ZYX: variants seen among roughly 807,000 people sequenced by gnomAD.
ZYX encodes the protein zyxin-2.
In ZYX, 37 loss-of-function variants were observed where a neutral mutation model predicts 58.1. The observed-to-expected ratio is 0.64, with a 90% CI of 0.49 to 0.84. The LOEUF (loss-of-function observed/expected upper bound fraction) is 0.84. Ranked by LOEUF, ZYX falls within the 40% of genes least tolerant of loss-of-function variation. The pLI is 0.00. For synonymous variants in ZYX, 324 were observed against 321.1 expected (o/e 1.01, Z -0.10); for missense variants, 762 against 761.6 (o/e 1.00, Z -0.01).
Position 143,390,004 on chromosome 7 carries a change from G to A in ZYX, c.1614+27G>A. 6.2e-7 allele frequency: 1 copy of A among 1,612,840 alleles called. No individual in the cohort carries two copies. The highest frequency in any genetic ancestry group is 8.5e-7 in the Non-Finnish European group (1 of 1,179,196). On this transcript the variant is annotated intron_variant, in intron 9 of 9. Transcript: ENST00000322764. The surrounding 1 kb of genome is among the most constrained non-coding windows in gnomAD (Gnocchi z 4.3). ...TCAGCCATCCCTCTGGACTCCTTGG[G>A]CAGGTTCTGACCAGGAGGTGGCGGG...
chr7:143,386,018 TGTG>T (rs1381809815), intron 5 of ZYX, among the ~76,000 whole-genome samples: 3 of 150,910 alleles, frequency 2.0e-5, no homozygotes, highest in Non-Finnish European at 4.4e-5. Context: ...GTGTGTGTGG[TGTG>T]GTATATGTGT....
chr7:143,383,056 CG>C lies in ZYX; in HGVS notation c.758del (p.Arg253GlnfsTer17). 1 of 1,614,176 alleles carries C rather than the reference CG, an allele frequency of 6.2e-7. No individual in the cohort carries two copies. Among genetic ancestry groups the C allele is most frequent in the Non-Finnish European group, 8.5e-7 (1 of 1,180,030 alleles). On this transcript the variant is annotated frameshift_variant, in exon 5 of 10. Coordinates refer to ENST00000322764, the MANE Select transcript of ZYX (RefSeq NM_003461.5). LOFTEE classifies it high-confidence loss of function. ...QPVSLANTQP[R>X]GPPASSPAPA... ...TGTGTCTTTGGCTAACACCCAGCCC[CG>C]AGGGCCCCCAGCCTCATCTCCGGCT...
Position 143,390,988 on chromosome 7 carries a change from C to T in ZYX, c.*306C>T, listed in dbSNP as rs1805056780. The T allele has an allele frequency of 2.5e-6, 1 of 401,588 alleles. No homozygotes were observed. Among genetic ancestry groups the T allele is most frequent in the African/African-American group, 2.1e-5 (1 of 48,726 alleles). The allele number at this position is 401,588 out of a possible 1,614,324, so 24.9% of individuals were successfully genotyped here. A position where few individuals can be genotyped will look rare whatever the true frequency, so the allele number is the denominator to read the frequency against. ...GCTGCACCCGCGCCCTCGGCCGGCC[C>T]CCCGAGCAGCCTTTGTACTCTGCTT... On this transcript the variant is annotated 3_prime_UTR_variant, in exon 10 of 10. Transcript: ENST00000322764. The surrounding 1 kb of genome is among the most constrained non-coding windows in gnomAD (Gnocchi z 4.3).
chr7:143,383,062 C>A lies in ZYX; in HGVS notation c.763C>A (p.Pro255Thr). ...TTTGGCTAACACCCAGCCCCGAGGG[C>A]CCCCAGCCTCATCTCCGGCTCCAGC... Reference protein sequence around the residue: ...VSLANTQPRGPPASSPAPAPK... With the variant: ...VSLANTQPRGTPASSPAPAPK... The change falls in exon 5 of 10, where the codon CCC becomes ACC. Residue 255 changes from proline to threonine, a missense_variant. By Grantham distance (38) the Pro-to-Thr change is conservative. Coordinates refer to ENST00000322764, the MANE Select transcript of ZYX (RefSeq NM_003461.5). 6.2e-7 allele frequency: 1 copy of A among 1,614,208 alleles called. No homozygotes were observed. Among genetic ancestry groups the A allele is most frequent in the Non-Finnish European group, 8.5e-7 (1 of 1,180,024 alleles).
In ZYX at chr7:143,381,544, C is replaced by A. The variant is rs377531522; in HGVS notation, c.-15-13C>A. 1.9e-5 allele frequency: 31 copies of A among 1,599,500 alleles called. No individual in the cohort carries two copies. Among genetic ancestry groups the A allele is most frequent in the African/African-American group, 9.4e-5 (7 of 74,530 alleles). On this transcript the variant is annotated splice_polypyrimidine_tract_variant and intron_variant, in intron 1 of 9. Coordinates refer to ENST00000322764, the MANE Select transcript of ZYX (RefSeq NM_003461.5). ...CCCGGCTCCGCGCTGCGTAACCCGG[C>A]GACCCACCCCAGCAGCCCGGCCCGG...
At position 143,387,276 on chromosome 7, in the gene ZYX, G is replaced by A. The variant is rs1281420748; in HGVS notation, c.1024-943G>A. ...GAGGGGCAGTGAAGCCAGGGCTGAG[G>A]GGAGAGGGGCTATGGGAGGAGGTAG... is the stretch of plus-strand genomic sequence containing the variant. On this transcript the variant is annotated intron_variant, in intron 5 of 9. Coordinates refer to ENST00000322764, the MANE Select transcript of ZYX (RefSeq NM_003461.5). The surrounding 1 kb of genome is among the most constrained non-coding windows in gnomAD (Gnocchi z 5.8). 6.6e-6 allele frequency among the ~76,000 whole-genome samples: 1 copy of A among 152,130 alleles called. No homozygotes were observed. The highest frequency in any genetic ancestry group is 1.5e-5 in the Non-Finnish European group (1 of 68,024).
rs761092426 is a variant in ZYX, at chr7:143,389,811, G to A, written c.1494-46G>A. The A allele has an allele frequency of 3.1e-6, 5 of 1,609,046 alleles. No individual in the cohort carries two copies. The highest frequency in any genetic ancestry group is 1.1e-5 in the South Asian group (1 of 90,880). ...CTGGCTTATGCGTGCGCACACCGGG[G>A]ATGAAAGCCCTGGCTAACTCGGCTG... On this transcript the variant is annotated intron_variant, in intron 8 of 9. Transcript: ENST00000322764. This position sits in a 1 kb window ranked among gnomAD's most constrained non-coding sequence, Gnocchi z 5.6.
At chr7:143,385,993 T>C (rs534163044) in intron 5 of ZYX, among the ~76,000 whole-genome samples, 150 of 150,966 alleles carry the variant, frequency 9.9e-4, no homozygotes, top group African/African-American at 3.4e-3. Context: ...TGTGGTATGG[T>C]ATATGTGTGA....
rs371155757 is a variant in ZYX, at chr7:143,388,978, G to A, written c.1493+33G>A. Reference sequence around the variant, plus strand: ...CCTGCCACCTGCCTTCTGGGTTCCCGGCGTGCTTGGTCTGGTAGCCCGGCT... The same window carrying A: ...CCTGCCACCTGCCTTCTGGGTTCCCAGCGTGCTTGGTCTGGTAGCCCGGCT... On this transcript the variant is annotated intron_variant, in intron 8 of 9. Coordinates refer to ENST00000322764, the MANE Select transcript of ZYX (RefSeq NM_003461.5). The surrounding 1 kb of genome is among the most constrained non-coding windows in gnomAD (Gnocchi z 7.5). The A allele has an allele frequency of 2.5e-5, 39 of 1,585,686 alleles. No homozygotes were observed. The highest frequency in any genetic ancestry group is 2.3e-4 in the Middle Eastern group (1 of 4,378).
In ZYX at chr7:143,388,385, G is replaced by T. The variant is rs1287152510; in HGVS notation, c.1144+46G>T. 1 of 1,610,810 alleles carries T rather than the reference G, an allele frequency of 6.2e-7. No homozygotes were observed. Among genetic ancestry groups the T allele is most frequent in the Non-Finnish European group, 8.5e-7 (1 of 1,178,100 alleles). ...CACCCCCACCCTGCCCCCACATCAC[G>T]GTGGGGGCCAGGGCTGTGGCTCCAC... is the stretch of plus-strand genomic sequence containing the variant. On this transcript the variant is annotated intron_variant, in intron 6 of 9. Transcript: ENST00000322764. This position sits in a 1 kb window ranked among gnomAD's most constrained non-coding sequence, Gnocchi z 7.5.
chr7:143,382,392 C>G lies in ZYX; in HGVS notation c.353C>G (p.Pro118Arg), dbSNP rs768266251. The G allele has an allele frequency of 6.3e-7, 1 of 1,579,722 alleles. No homozygotes were observed. Among genetic ancestry groups the G allele is most frequent in the African/African-American group, 1.4e-5 (1 of 73,078 alleles). ...PLEEEIFPSP[P>R]PPPEEEGGPE... ...GAGGAGGAGATCTTCCCTTCCCCGC[C>G]GCCTCCTCCGGAGGAGGAGGGAGGG... is the stretch of plus-strand genomic sequence containing the variant. The change falls in exon 3 of 10, where the codon CCG (proline) becomes CGG (arginine). Residue 118 changes from proline (P) to arginine (R), a missense_variant. Physicochemically the swap from Pro to Arg is moderately radical, Grantham distance 103 (BLOSUM62 -2). Transcript: ENST00000322764.
At chr7:143,385,403 G>A (rs1348752449) in intron 5 of ZYX, among the ~76,000 whole-genome samples, 2 of 151,934 alleles carry the variant, frequency 1.3e-5, no homozygotes, top group East Asian at 3.9e-4. Context: ...TATGGTGTAT[G>A]TGAGTGTATG....
rs754897443 is a variant in ZYX, at chr7:143,388,515, C to T, written c.1171C>T (p.Leu391=). 3 of 1,610,322 alleles carry T rather than the reference C, an allele frequency of 1.9e-6. No individual in the cohort carries two copies. The highest frequency in any genetic ancestry group is 2.5e-6 in the Non-Finnish European group (3 of 1,179,826). ...ACTCTGCGGCCGATGCCATCAACCC[C>T]TGGCCCGGGCGCAGCCAGCCGTCCG... is the stretch of plus-strand genomic sequence containing the variant. The part of the protein sequence containing the change: ...NELCGRCHQP[L]ARAQPAVRAL... Residue 391 remains leucine, a synonymous_variant, in exon 7 of 10, where the codon CTG becomes TTG. Transcript: ENST00000322764. This position sits in a 1 kb window ranked among gnomAD's most constrained non-coding sequence, Gnocchi z 7.5.
chr7:143,382,450 AC>A lies in ZYX; in HGVS notation c.408+4del. 1 of 1,598,816 alleles carries A rather than the reference AC, an allele frequency of 6.3e-7. No individual in the cohort carries two copies. Among genetic ancestry groups the A allele is most frequent in the Non-Finnish European group, 8.5e-7 (1 of 1,172,332 alleles). ...CCCCCATACCGCCCCCACCACAGGT[AC>A]GGAGGCCTGGGAGGGGCGGCTGCAC... On this transcript the variant is annotated splice_donor_region_variant and intron_variant, in intron 3 of 9. Coordinates refer to ENST00000322764, the MANE Select transcript of ZYX (RefSeq NM_003461.5).
At position 143,381,452 on chromosome 7, in the gene ZYX, C is replaced by T. The variant is rs1398449906; in HGVS notation, c.-16+43C>T. On this transcript the variant is annotated intron_variant, in intron 1 of 9. Transcript: ENST00000322764. ...GCAGGGCGGCCCCACGGGGAGGGGG[C>T]GCGGGGCGCCGGGAGGGGGCGAGTG... 6 of 1,295,310 alleles carry T rather than the reference C, an allele frequency of 4.6e-6. No individual in the cohort carries two copies. The South Asian group carries it at 9.4e-5, about 20-fold the overall frequency. 80.2% of individuals were successfully genotyped at this position (1,295,310 alleles called of 1,614,324 possible). A position where few individuals can be genotyped will look rare whatever the true frequency, so the allele number is the denominator to read the frequency against.
In ZYX at chr7:143,381,361, C is replaced by T. The variant is rs916034903; in HGVS notation, c.-64C>T. The T allele has an allele frequency of 2.0e-5, 23 of 1,157,978 alleles. No homozygotes were observed. The highest frequency in any genetic ancestry group is 2.5e-5 in the Non-Finnish European group (23 of 938,378). The allele number at this position is 1,157,978 out of a possible 1,614,324, so 71.7% of individuals were successfully genotyped here. ...GACCGGGACGCAGAGTCTGCGGACC[C>T]GGCGCCGAGGCGGCCACCCGAGACG... On this transcript the variant is annotated 5_prime_UTR_variant, in exon 1 of 10. Transcript: ENST00000322764.
At position 143,382,329 on chromosome 7, in the gene ZYX, C is replaced by T. The variant is rs568870035; in HGVS notation, c.290C>T (p.Pro97Leu). Residue 97 changes from proline to leucine, a missense_variant, in exon 3 of 10, where the codon CCT (proline) becomes CTT (leucine). Physicochemically the swap from Pro to Leu is moderately conservative, Grantham distance 98 (BLOSUM62 -3). Transcript: ENST00000322764. The stretch of plus-strand genomic sequence containing the variant: ...CTGGGAGGTGCCTTCCCGCCGCCCC[C>T]TCCCCCGATCGAGGAATCATTTCCC... ...GALGGAFPPP[P>L]PPIEESFPPA... The T allele has an allele frequency of 1.9e-5, 30 of 1,607,898 alleles. No individual in the cohort carries two copies. The highest frequency in any genetic ancestry group is 3.3e-4 in the Middle Eastern group (2 of 6,024).
chr7:143,383,305 G>T lies in ZYX; in HGVS notation c.1006G>T (p.Ala336Ser), dbSNP rs770389171. The T allele has an allele frequency of 1.9e-6, 3 of 1,605,856 alleles. No homozygotes were observed. The highest frequency in any genetic ancestry group is 2.5e-6 in the Non-Finnish European group (3 of 1,176,694). Residue 336 changes from alanine to serine, a missense_variant, in exon 5 of 10, where the codon GCT becomes TCT. Ala to Ser is a moderately conservative substitution (Grantham distance 99). Transcript: ENST00000322764. The stretch of plus-strand genomic sequence containing the variant: ...GAAGCAGCACCCCGTGCCCCCACCG[G>T]CTCAGAACCAAAACCAGGTGAGGGA... Reference protein sequence around the residue: ...QEKQHPVPPPAQNQNQVRSPG... With the variant: ...QEKQHPVPPPSQNQNQVRSPG...
Position 143,381,381 on chromosome 7 carries a change from G to A in ZYX, c.-44G>A, listed in dbSNP as rs1234881566. On this transcript the variant is annotated 5_prime_UTR_variant, in exon 1 of 10. Transcript: ENST00000322764. ...GGACCCGGCGCCGAGGCGGCCACCC[G>A]AGACGCGGCGCGCACGCTCCGGCCT... is the stretch of plus-strand genomic sequence containing the variant. 21 of 1,178,522 alleles carry A rather than the reference G, an allele frequency of 1.8e-5. No homozygotes were observed. The highest frequency in any genetic ancestry group is 2.1e-5 in the Non-Finnish European group (20 of 952,108). The allele number at this position is 1,178,522 out of a possible 1,614,324, so 73.0% of individuals were successfully genotyped here. A position where few individuals can be genotyped will look rare whatever the true frequency, so the allele number is the denominator to read the frequency against.
Sources: gnomAD v4.1 joint callset for allele counts (sites outside exome capture counted in the v4.1 genomes callset) on GRCh38, gnomAD v4.1.1 for gene constraint, Gnocchi (gnomAD v3.1) non-coding constraint, MANE v1.5 for transcripts, NCBI Gene and HGNC (gene_info 2026-07-23, HGNC 2026-07-21) for gene names.